The following PPM1H variants were observed in gnomAD, a reference collection of about 807,000 sequenced individuals.
PPM1H encodes protein phosphatase 1H.
In PPM1H, 27 loss-of-function variants were observed where a neutral mutation model predicts 54.9. That is an observed-to-expected ratio of 0.49 (90% CI 0.36 to 0.68). The LOEUF (loss-of-function observed/expected upper bound fraction) is 0.68. PPM1H is among the 30% of genes least tolerant of loss of function. The pLI, the probability that PPM1H is intolerant of heterozygous loss-of-function variation, is 0.00. For synonymous variants in PPM1H, 305 were observed against 270.8 expected, an observed-to-expected ratio of 1.13 and a Z score of -1.24; for missense variants, 596 against 667.8, an observed-to-expected ratio of 0.89 and a Z score of 1.19.
chr12:62,851,089 TAGGAC>T (rs1253614523), intron 1 of PPM1H, among the ~76,000 whole-genome samples: 1 of 152,186 alleles, frequency 6.6e-6, no homozygotes, highest in Non-Finnish European at 1.5e-5. Flanking sequence ...AAGGACATCC[TAGGAC>T]TGTGAGCATT....
intron 4 of PPM1H, among the ~76,000 whole-genome samples, chr12:62,750,412 A>T (rs1296912818): frequency 6.6e-6 from 1 of 152,228 alleles, no homozygotes; most frequent in Non-Finnish European, 1.5e-5. Context: ...TGCTAAACAG[A>T]TGTTTTCAAG....
At chr12:62,822,404 G>A (rs914770207) in intron 2 of PPM1H, among the ~76,000 whole-genome samples, 1 of 152,118 alleles carries the variant, frequency 6.6e-6, no homozygotes, top group Non-Finnish European at 1.5e-5. Flanking sequence ...AAGAGGACGT[G>A]ACAGACATCT....
At chr12:62,841,417 C>T (rs568905926) in intron 1 of PPM1H, among the ~76,000 whole-genome samples, 2 of 152,252 alleles carry the variant, frequency 1.3e-5, no homozygotes, top group Non-Finnish European at 2.9e-5. Flanking sequence ...GGAACACAGC[C>T]ACATTCGTTC....
intron 1 of PPM1H, among the ~76,000 whole-genome samples, chr12:62,867,069 C>T (rs1869801117): frequency 6.6e-6 from 1 of 152,020 alleles, no homozygotes; most frequent in South Asian, 2.1e-4. Flanking sequence ...GAAAAATGTA[C>T]CAAAAAGCTG....
intron 1 of PPM1H, among the ~76,000 whole-genome samples, chr12:62,925,710 T>G (rs1475567089): frequency 6.6e-6 from 1 of 152,218 alleles, no homozygotes; most frequent in Non-Finnish European, 1.5e-5. Context: ...GTACAAACCT[T>G]CAAGCCATAT....
intron 1 of PPM1H, among the ~76,000 whole-genome samples, chr12:62,883,582 T>C (rs73318228): frequency 0.016 from 2,362 of 152,216 alleles, 70 homozygotes; most frequent in African/African-American, 0.054. Flanking sequence ...ATCTCTAACA[T>C]GAGCAATACG....
At chr12:62,831,707 A>ATGTG (rs371871033) in intron 2 of PPM1H, among the ~76,000 whole-genome samples, 21 of 117,162 alleles carry the variant, frequency 1.8e-4, no homozygotes, top group Middle Eastern at 4.5e-3. Context: ...TTGTGTGTGT[A>ATGTG]TGTGTGTGTG....
chr12:62,882,335 T>C (rs896005060), intron 1 of PPM1H, among the ~76,000 whole-genome samples: 1 of 152,236 alleles, frequency 6.6e-6, no homozygotes, highest in African/African-American at 2.4e-5. Flanking sequence ...GTCTATCCTG[T>C]GTGGTGAGAG....
At chr12:62,756,997 G>C (rs996164260) in intron 4 of PPM1H, among the ~76,000 whole-genome samples, 26 of 152,232 alleles carry the variant, frequency 1.7e-4, no homozygotes, top group Admixed American at 6.5e-4. Context: ...TGCTATGACT[G>C]GTCCAGCTGG....
intron 1 of PPM1H, among the ~76,000 whole-genome samples, chr12:62,863,386 G>T (rs545283336): frequency 3.3e-5 from 5 of 152,198 alleles, no homozygotes; most frequent in Non-Finnish European, 5.9e-5. Flanking sequence ...ATTCACAAAT[G>T]TGGACTTTAT....
chr12:62,817,317 C>T (rs2076876025), intron 2 of PPM1H, among the ~76,000 whole-genome samples: 1 of 151,274 alleles, frequency 6.6e-6, no homozygotes, highest in Admixed American at 6.6e-5. Flanking sequence ...AAAAAATTAG[C>T]CGGGCGTGGT....
intron 4 of PPM1H, among the ~76,000 whole-genome samples, chr12:62,742,960 C>A (rs572829378): frequency 2.6e-5 from 4 of 152,016 alleles, no homozygotes; most frequent in African/African-American, 7.3e-5. Flanking sequence ...ATCGATGGGG[C>A]GTTATTTGCG....
At chr12:62,884,048 G>A (rs1870491243) in intron 1 of PPM1H, among the ~76,000 whole-genome samples, 1 of 152,024 alleles carries the variant, frequency 6.6e-6, no homozygotes, top group Non-Finnish European at 1.5e-5. Context: ...AGTCCCAGAG[G>A]GAATCACACC....
At chr12:62,711,777 TCATGCGTG>T (rs1282148311) in intron 6 of PPM1H, among the ~76,000 whole-genome samples, 3 of 152,200 alleles carry the variant, frequency 2.0e-5, no homozygotes, top group Admixed American at 6.5e-5. Context: ...GTGAGTGCAT[TCATGCGTG>T]CATGCGTGTG....
chr12:62,727,965 A>G (rs942359651), intron 5 of PPM1H, among the ~76,000 whole-genome samples: 11 of 152,152 alleles, frequency 7.2e-5, no homozygotes, highest in African/African-American at 2.7e-4. Context: ...CCAGCCTTAA[A>G]ATGCAATTTA....
At chr12:62,684,074 A>C (rs926935085) in intron 8 of PPM1H, among the ~76,000 whole-genome samples, 13 of 152,214 alleles carry the variant, frequency 8.5e-5, no homozygotes, top group Admixed American at 5.2e-4. Context: ...AGTATAAAAA[A>C]GTTTAATGGC....
intron 8 of PPM1H, among the ~76,000 whole-genome samples, chr12:62,677,195 T>C (rs1225702008): frequency 6.6e-6 from 1 of 152,200 alleles, no homozygotes; most frequent in Non-Finnish European, 1.5e-5. Flanking sequence ...CACTGTACTA[T>C]CACTCAGTAA....
intron 5 of PPM1H, among the ~76,000 whole-genome samples, chr12:62,736,964 T>A (rs1328797383): frequency 6.6e-6 from 1 of 152,088 alleles, no homozygotes; most frequent in African/African-American, 2.4e-5. Context: ...ATAATCTACA[T>A]AGAGAACTTA....
intron 2 of PPM1H, among the ~76,000 whole-genome samples, chr12:62,805,461 T>C (rs558693920): frequency 3.9e-5 from 6 of 152,280 alleles, no homozygotes; most frequent in Admixed American, 3.9e-4. Flanking sequence ...CATCAACAGA[T>C]GAATGGTAAA....
Sources: allele counts gnomAD v4.1 joint callset (sites outside exome capture counted in the v4.1 genomes callset), GRCh38; gene constraint gnomAD v4.1.1; transcripts MANE v1.5; gene names NCBI Gene and HGNC (gene_info 2026-07-23, HGNC 2026-07-21).